Variants in MED14 observed in about 807,000 individuals in gnomAD.
MED14 encodes mediator complex subunit 14, also known as mediator of RNA polymerase II transcription subunit 14.
MED14 carries 8 observed loss-of-function variants against 109.0 expected under a neutral mutation model. The observed-to-expected ratio is 0.07, with a 90% confidence interval of 0.04 to 0.13. The LOEUF (loss-of-function observed/expected upper bound fraction) is 0.13. Ranked by LOEUF, MED14 falls within the 10% of genes least tolerant of loss-of-function variation. The pLI, the probability that MED14 is intolerant of heterozygous loss-of-function variation, is 1.00. For missense variants in MED14, 711 were observed against 1,142.4 expected (o/e 0.62, Z 5.44); for synonymous variants, 399 against 408.7 (o/e 0.98, Z 0.29).
At chrX:40,719,476 G>A (rs1931643529) in intron 3 of MED14, among the ~76,000 whole-genome samples, 1 of 111,245 alleles carries the variant, frequency 9.0e-6, no homozygotes, top group Non-Finnish European at 1.9e-5. Flanking sequence ...AAGGAATGTA[G>A]TGACACAAGC....
intron 25 of MED14, among the ~76,000 whole-genome samples, chrX:40,664,034 G>C (rs1218154355): frequency 9.0e-6 from 1 of 110,768 alleles, no homozygotes; most frequent in Non-Finnish European, 1.9e-5. Context: ...CCAGTGGCCA[G>C]TGATTTAATC....
chrX:40,722,270 T>C (rs929940448), intron 3 of MED14, among the ~76,000 whole-genome samples: 2 of 111,920 alleles, frequency 1.8e-5, no homozygotes, highest in African/African-American at 3.2e-5. Context: ...TTGAAATAAT[T>C]TTTTTAAAAA....
chrX:40,698,683 G>T (rs1435735958), intron 12 of MED14, among the ~76,000 whole-genome samples: 3 of 111,705 alleles, frequency 2.7e-5, no homozygotes, highest in Non-Finnish European at 5.7e-5. Context: ...ATCATTATTT[G>T]TTGGGGAAAT....
At chrX:40,669,481 G>A (rs1929640473) in intron 23 of MED14, among the ~76,000 whole-genome samples, 1 of 111,634 alleles carries the variant, frequency 9.0e-6, no homozygotes, top group South Asian at 3.7e-4. Flanking sequence ...TCTCTGATGA[G>A]CCATAGGCTC....
intron 25 of MED14, among the ~76,000 whole-genome samples, chrX:40,663,633 CAT>C (rs961216607): frequency 2.7e-5 from 3 of 112,460 alleles, no homozygotes; most frequent in Non-Finnish European, 3.8e-5. Context: ...ACTACAGACA[CAT>C]GAGTGAGCTG....
At chrX:40,690,559 C>T (rs751834577) in intron 15 of MED14, among the ~76,000 whole-genome samples, 17 of 111,199 alleles carry the variant, frequency 1.5e-4, no homozygotes, top group African/African-American at 5.6e-4. Flanking sequence ...GGATTACAGG[C>T]GCCCGCTACC....
chrX:40,666,488 G>A (rs1447576383), intron 24 of MED14, among the ~76,000 whole-genome samples: 3 of 110,446 alleles, frequency 2.7e-5, no homozygotes, highest in African/African-American at 9.9e-5. Context: ...TGACAGGAAG[G>A]GCAAGGCAGA....
At chrX:40,683,043 C>T (rs1409277986) in intron 16 of MED14, 47 bp from the exon 17 acceptor site, 1 of 1,007,878 alleles carries the variant, frequency 9.9e-7, no homozygotes, top group Non-Finnish European at 1.4e-6. Flanking sequence ...ACAGACAAAG[C>T]ACAATGTACA....
chrX:40,657,047 C>T (rs1929076588), intron 28 of MED14, among the ~76,000 whole-genome samples: 1 of 111,028 alleles, frequency 9.0e-6, no homozygotes, highest in East Asian at 2.8e-4. Context: ...ATCACCACAC[C>T]TGGCTAATTC....
In MED14 at chrX:40,731,066, TG is replaced by T. The variant is rs774350190; in HGVS notation, c.216-1722del. 3.0e-4 allele frequency among the ~76,000 whole-genome samples: 32 copies of T among 107,462 alleles called. No individual in the cohort carries two copies. The South Asian group carries it at 0.013, about 45-fold the overall frequency. 93.3% of individuals were successfully genotyped at this position (107,462 alleles called of 115,157 possible). Reference sequence around the variant, plus strand: ...TGAAGTGGGAGAATCACCTGAGCCCTGGAAGTCAAGGCTGCAGTGAGCCATG... The same window carrying T: ...TGAAGTGGGAGAATCACCTGAGCCCTGAAGTCAAGGCTGCAGTGAGCCATG... On this transcript the variant is annotated intron_variant, in intron 1 of 30. Transcript: ENST00000324817.
At position 40,666,757 on chromosome X, in the gene MED14, G is replaced by A; in HGVS notation, c.3228C>T (p.Ile1076=). 2 of 1,207,004 alleles carry A rather than the reference G, an allele frequency of 1.7e-6. No individual in the cohort carries two copies. Among genetic ancestry groups the A allele is most frequent in the Non-Finnish European group, 2.2e-6 (2 of 892,939 alleles). The change falls in exon 24 of 31, where the codon ATC becomes ATT. Residue 1076 remains isoleucine (I), a synonymous_variant. Transcript: ENST00000324817. ...VPTPPPSSHG[I]SIGPGASFAS... Reference sequence around the variant, plus strand: ...CAAAACTGGCCCCTGGTCCTATTGAGATTCCATGCGAGGATGGGGGAGGAG... The same window carrying A: ...CAAAACTGGCCCCTGGTCCTATTGAAATTCCATGCGAGGATGGGGGAGGAG...
chrX:40,682,901 C>T lies in MED14; in HGVS notation c.2153G>A (p.Arg718His). The change falls in exon 17 of 31, where the codon CGC becomes CAC. Residue 718 changes from arginine to histidine, a missense_variant. Arg to His is a conservative substitution (Grantham distance 29, BLOSUM62 0). Coordinates refer to ENST00000324817, the MANE Select transcript of MED14 (RefSeq NM_004229.4). ...AAACACTAACTCTGCTACCCAAGTG[C>T]GGTTATTTCTACCTTGTAATCGGAA... is the stretch of plus-strand genomic sequence containing the variant. ...CTFRLQGRNN[R>H]TWVAELVFAN... The T allele has an allele frequency of 3.3e-6, 4 of 1,211,260 alleles. No individual in the cohort carries two copies. The highest frequency in any genetic ancestry group is 4.5e-6 in the Non-Finnish European group (4 of 894,971).
At chrX:40,673,834 GA>G (rs142204280) in intron 22 of MED14, among the ~76,000 whole-genome samples, 37,530 of 89,402 alleles carry the variant, frequency 0.42, 6,650 homozygotes, top group East Asian at 0.7. Context: ...CAACAAGAGC[GA>G]AACTCCATCT....
At chrX:40,733,324 C>G (rs1932146873) in intron 1 of MED14, among the ~76,000 whole-genome samples, 1 of 110,633 alleles carries the variant, frequency 9.0e-6, no homozygotes. Context: ...GTCTCGAACT[C>G]CTGGGCTCAA....
At chrX:40,683,541 T>C (rs1003376247) in intron 16 of MED14, among the ~76,000 whole-genome samples, 7 of 111,932 alleles carry the variant, frequency 6.3e-5, no homozygotes, top group Non-Finnish European at 1.3e-4. Context: ...TATTCATATG[T>C]TTTGTTTTTT....
At chrX:40,708,998 G>A (rs1263378416) in intron 10 of MED14, among the ~76,000 whole-genome samples, 1 of 110,827 alleles carries the variant, frequency 9.0e-6, no homozygotes, top group African/African-American at 3.3e-5. Flanking sequence ...AAATAGAGAC[G>A]GGGTCTCATT....
chrX:40,649,330 G>C lies in MED14; in HGVS notation c.*2476C>G, dbSNP rs941970590. The C allele has an allele frequency of 1.4e-5, 2 of 138,811 alleles. No homozygotes were observed. The highest frequency in any genetic ancestry group is 2.8e-5 in the Non-Finnish European group (2 of 71,429). The allele number at this position is 138,811 out of a possible 1,213,427, so 11.4% of individuals were successfully genotyped here. A position where few individuals can be genotyped will look rare whatever the true frequency, so the allele number is the denominator to read the frequency against. Reference sequence around the variant, plus strand: ...CAGTTAATTTTCAAACATAAGGTTCGACTCCTGTTATTAGCGACTTGACAC... The same window carrying C: ...CAGTTAATTTTCAAACATAAGGTTCCACTCCTGTTATTAGCGACTTGACAC... On this transcript the variant is annotated 3_prime_UTR_variant, in exon 31 of 31. Transcript: ENST00000324817.
At chrX:40,689,423 G>A (rs967279058) in intron 15 of MED14, among the ~76,000 whole-genome samples, 9 of 112,036 alleles carry the variant, frequency 8.0e-5, no homozygotes, top group Admixed American at 7.6e-4. Flanking sequence ...GCCAGATGCG[G>A]TGGCTCACAC....
chrX:40,687,971 T>G (rs774702312), intron 16 of MED14, among the ~76,000 whole-genome samples: 1 of 111,560 alleles, frequency 9.0e-6, no homozygotes, highest in South Asian at 3.8e-4. Flanking sequence ...TCCCAACACT[T>G]TGGGAGGCCG....
Sources: gnomAD v4.1 joint callset for allele counts (sites outside exome capture counted in the v4.1 genomes callset) on GRCh38, gnomAD v4.1.1 for gene constraint, MANE v1.5 for transcripts, NCBI Gene and HGNC (gene_info 2026-07-23, HGNC 2026-07-21) for gene names.